The following LGALS9C variants were observed in gnomAD, a reference collection of about 807,000 sequenced individuals.
LGALS9C encodes galectin-9C.
In LGALS9C, 7 loss-of-function variants were observed where a neutral mutation model predicts 41.3. That is an observed-to-expected ratio of 0.17 (90% CI 0.10 to 0.32). The LOEUF (loss-of-function observed/expected upper bound fraction) is 0.32. LGALS9C is among the 10% of genes least tolerant of loss of function. The probability of loss-of-function intolerance (pLI) is 1.00; values close to 1 mark genes in which losing one functional copy is unlikely to be tolerated. For synonymous variants in LGALS9C, 44 were observed against 171.0 expected, an observed-to-expected ratio of 0.26 and a Z score of 5.80; for missense variants, 102 against 455.2, an observed-to-expected ratio of 0.22 and a Z score of 7.06.
At chr17:18,492,354 C>T in intron 8 of LGALS9C, 103 bp from the exon 9 acceptor site, 2 of 1,422,876 alleles carry the variant, frequency 1.4e-6, no homozygotes, top group South Asian at 1.2e-5. Flanking sequence ...TGGGCTTCTT[C>T]TCAGCTGACA....
At chr17:18,481,917 A>G (rs1035601243) in intron 1 of LGALS9C, among the ~76,000 whole-genome samples, 4 of 139,496 alleles carry the variant, frequency 2.9e-5, no homozygotes, top group African/African-American at 7.5e-5. Flanking sequence ...TGGCCTGCAC[A>G]GTGTTTATTT....
chr17:18,485,679 A>T lies in LGALS9C; in HGVS notation c.132-255A>T. 2 of 314,890 alleles carry T rather than the reference A, an allele frequency of 6.4e-6. 1 individual carries two copies. The highest frequency in any genetic ancestry group is 1.3e-5 in the Non-Finnish European group (2 of 149,882). 19.5% of individuals were successfully genotyped at this position (314,890 alleles called of 1,614,324 possible). A position where few individuals can be genotyped will look rare whatever the true frequency, so the allele number is the denominator to read the frequency against. On this transcript the variant is annotated intron_variant, in intron 2 of 10. Coordinates refer to ENST00000328114, the MANE Select transcript of LGALS9C (RefSeq NM_001040078.3). ...CAGGACCTATGCTTCTTGTTTGCTA[A>T]TGCCAGCACTTTCCCTTAGCCATTT...
intron 1 of LGALS9C, 21 bp downstream of exon 1, chr17:18,476,914 C>T: frequency 1.9e-6 from 3 of 1,594,984 alleles, no homozygotes; most frequent in Non-Finnish European, 2.6e-6. Context: ...GGGCCGTGGG[C>T]ACAGGGCTGC....
chr17:18,482,442 C>G (rs1160901689), intron 1 of LGALS9C, among the ~76,000 whole-genome samples: 2 of 121,662 alleles, frequency 1.6e-5, no homozygotes, highest in Non-Finnish European at 3.8e-5. Flanking sequence ...CCACTGTGCC[C>G]AGTCAGGAAC....
intron 9 of LGALS9C, 70 bp from the exon 10 acceptor site, chr17:18,492,627 T>C: frequency 6.6e-7 from 1 of 1,512,750 alleles, no homozygotes; most frequent in Non-Finnish European, 9.1e-7. Context: ...TTTGGCAGGC[T>C]GGGGATGATG....
At chr17:18,484,797 C>T (rs1989532361) in intron 2 of LGALS9C, among the ~76,000 whole-genome samples, 1 of 150,900 alleles carries the variant, frequency 6.6e-6, no homozygotes, top group Non-Finnish European at 1.5e-5. Context: ...TCTTGATGAC[C>T]TCCTCCGCCA....
intron 1 of LGALS9C, among the ~76,000 whole-genome samples, chr17:18,477,947 G>C (rs1200917072): frequency 7.9e-6 from 1 of 125,962 alleles, no homozygotes; most frequent in East Asian, 2.0e-4. Context: ...GGTTGGGCTT[G>C]GGTGCCCTCT....
At chr17:18,480,208 CAAAAA>C (rs1186218936) in intron 1 of LGALS9C, among the ~76,000 whole-genome samples, 3 of 85,906 alleles carry the variant, frequency 3.5e-5, no homozygotes, top group African/African-American at 9.9e-5. Context: ...GATCCTGTCT[CAAAAA>C]AAAAAAAAAA....
At chr17:18,488,724 C>T (rs1216280340) in intron 4 of LGALS9C, among the ~76,000 whole-genome samples, 3 of 131,210 alleles carry the variant, frequency 2.3e-5, no homozygotes, top group African/African-American at 5.2e-5. Flanking sequence ...CTCTCCCCTG[C>T]GGGTGGAAGG....
intron 2 of LGALS9C, among the ~76,000 whole-genome samples, chr17:18,484,610 T>C (rs1265295560): frequency 6.7e-6 from 1 of 148,488 alleles, no homozygotes; most frequent in African/African-American, 2.4e-5. Context: ...TGCAGCTCTC[T>C]CCTGGTTTAG....
At chr17:18,482,093 C>T (rs1989410637) in intron 1 of LGALS9C, among the ~76,000 whole-genome samples, 1 of 149,762 alleles carries the variant, frequency 6.7e-6, no homozygotes, top group South Asian at 2.1e-4. Context: ...GAAGCAAATC[C>T]AGAGATTTCA....
intron 4 of LGALS9C, among the ~76,000 whole-genome samples, 194 bp from the exon 5 acceptor site, chr17:18,488,747 T>C (rs1452939021): frequency 1.5e-5 from 2 of 133,480 alleles, no homozygotes; most frequent in East Asian, 4.0e-4. Flanking sequence ...AGGGAAGAGC[T>C]GGAGGGAGAC....
chr17:18,494,591 A>T lies in LGALS9C; in HGVS notation c.*224A>T, dbSNP rs2151675707. ...CAGCCGCAGCAGCACCTGGGGCGCC[A>T]GCTGCTGGAATCCTACAATCCCAGA... On this transcript the variant is annotated 3_prime_UTR_variant, in exon 11 of 11. Coordinates refer to ENST00000328114, the MANE Select transcript of LGALS9C (RefSeq NM_001040078.3). 1.4e-6 allele frequency: 1 copy of T among 705,978 alleles called. No individual in the cohort carries two copies. Among genetic ancestry groups the T allele is most frequent in the Non-Finnish European group, 2.3e-6 (1 of 428,004 alleles). 43.7% of individuals were successfully genotyped at this position (705,978 alleles called of 1,614,324 possible).
In LGALS9C at chr17:18,492,750, G is replaced by A. The variant is rs147232263; in HGVS notation, c.815G>A (p.Arg272His). Residue 272 changes from arginine to histidine, a missense_variant, in exon 10 of 11, where the codon CGT becomes CAT. Transcript: ENST00000328114. ...CACATCGCCTTCCACATGAACCCCC[G>A]TTTTGATGAGAATGCTGTGGTCCGT... ...GSHIAFHMNP[R>H]FDENAVVRNT... 1.0e-3 allele frequency: 1,571 copies of A among 1,511,350 alleles called. 21 individuals are homozygous for A. The African/African-American group carries it at 0.017, about 17-fold the overall frequency. 93.6% of individuals were successfully genotyped at this position (1,511,350 alleles called of 1,614,324 possible). A position where few individuals can be genotyped will look rare whatever the true frequency, so the allele number is the denominator to read the frequency against.
chr17:18,477,233 CAT>C (rs1381470817), intron 1 of LGALS9C, among the ~76,000 whole-genome samples: 1 of 129,124 alleles, frequency 7.7e-6, no homozygotes, highest in Non-Finnish European at 1.9e-5. Context: ...TGCTACCCGG[CAT>C]GGTAGTTAAG....
In LGALS9C at chr17:18,484,804, G is replaced by A. The variant is rs553085926; in HGVS notation, c.131+838G>A. On this transcript the variant is annotated intron_variant, in intron 2 of 10. Coordinates refer to ENST00000328114, the MANE Select transcript of LGALS9C (RefSeq NM_001040078.3). ...ACCTAGATTCTTGATGACCTCCTCC[G>A]CCATTGCCATCCTGCTGTCGGACTT... Among the ~76,000 whole-genome samples, 16 of 150,908 alleles carry A rather than the reference G, an allele frequency of 1.1e-4. 1 individual carries two copies. The East Asian group carries it at 1.5e-3, about 15-fold the overall frequency.
rs1345157694 is a variant in LGALS9C at position 18,483,937 on chromosome 17, T to A, written c.102T>A (p.Asn34Lys). ...GLQDGFQITVNGAVLSCSGTR... is the reference protein window; with the variant it reads ...GLQDGFQITVKGAVLSCSGTR... ...AGGACGGATTTCAGATCACTGTCAA[T>A]GGGGCCGTTCTCAGCTGCAGTGGAA... Residue 34 changes from asparagine (N) to lysine (K), a missense_variant, in exon 2 of 11, where the codon AAT (asparagine) becomes AAA (lysine). Coordinates refer to ENST00000328114, the MANE Select transcript of LGALS9C (RefSeq NM_001040078.3). 2.2e-6 allele frequency: 3 copies of A among 1,367,352 alleles called. No individual in the cohort carries two copies. In the Admixed American group the frequency reaches 5.5e-5, roughly 25 times the overall value. 84.7% of individuals were successfully genotyped at this position (1,367,352 alleles called of 1,614,324 possible).
Position 18,478,209 on chromosome 17 carries a change from A to G in LGALS9C, c.39+1316A>G, listed in dbSNP as rs1682214. Reference sequence around the variant, plus strand: ...TGTGCCACCTTGAGCATGTCACCCCATTTCTGGTTTTCTGTCAGAGAGGGG... The same window carrying G: ...TGTGCCACCTTGAGCATGTCACCCCGTTTCTGGTTTTCTGTCAGAGAGGGG... On this transcript the variant is annotated intron_variant, in intron 1 of 10. Transcript: ENST00000328114. Among the ~76,000 whole-genome samples, 595 of 129,150 alleles carry G rather than the reference A, an allele frequency of 4.6e-3. 92 individuals are homozygous for G. Among genetic ancestry groups the G allele is most frequent in the East Asian group, 0.031 (156 of 5,106 alleles). The allele number at this position is 129,150 out of a possible 152,430, so 84.7% of individuals were successfully genotyped here. A position where few individuals can be genotyped will look rare whatever the true frequency, so the allele number is the denominator to read the frequency against.
rs1441729583 is a variant in LGALS9C at position 18,476,828 on chromosome 17, A to G, written c.-27A>G. 1.3e-6 allele frequency: 2 copies of G among 1,573,306 alleles called. No homozygotes were observed. The highest frequency in any genetic ancestry group is 2.7e-5 in the African/African-American group (2 of 74,562). ...GGACTGCCTGGCAGGTGTCAAAGGC[A>G]GTGGTGGCCACAGAGGCGGTGGAGA... On this transcript the variant is annotated 5_prime_UTR_variant, in exon 1 of 11. Coordinates refer to ENST00000328114, the MANE Select transcript of LGALS9C (RefSeq NM_001040078.3).
Sources: allele counts gnomAD v4.1 joint callset (sites outside exome capture counted in the v4.1 genomes callset), GRCh38; gene constraint gnomAD v4.1.1; transcripts MANE v1.5; gene names NCBI Gene and HGNC (gene_info 2026-07-23, HGNC 2026-07-21).